Variants in TDP1 observed in about 807,000 individuals in gnomAD.
TDP1 encodes tyrosyl-DNA phosphodiesterase 1, also known as tyr-DNA phosphodiesterase 1.
TDP1 carries 64 observed loss-of-function variants against 81.5 expected under a neutral mutation model. The observed-to-expected ratio is 0.79, with a 90% confidence interval of 0.64 to 0.97. The LOEUF is 0.97. Among genes scored for constraint, TDP1 ranks in the 50% least tolerant of loss-of-function variants. The pLI, the probability that TDP1 is intolerant of heterozygous loss-of-function variation, is 0.00. For missense variants in TDP1, 723 were observed against 743.8 expected (o/e 0.97, Z 0.33); for synonymous variants, 256 against 264.3 (o/e 0.97, Z 0.30).
intron 7 of TDP1, among the ~76,000 whole-genome samples, chr14:89,979,921 C>T (rs1416192056): frequency 6.6e-6 from 1 of 152,110 alleles, no homozygotes; most frequent in African/African-American, 2.4e-5. Context: ...AAGACTTACC[C>T]CAAGCCCAGA....
intron 14 of TDP1, among the ~76,000 whole-genome samples, chr14:89,994,199 A>C (rs933297193): frequency 6.6e-6 from 1 of 152,260 alleles, no homozygotes; most frequent in Non-Finnish European, 1.5e-5. Context: ...ATCACAGAGT[A>C]GAATTATTTC....
chr14:90,031,734 T>C (rs1287803449), intron 15 of TDP1, among the ~76,000 whole-genome samples: 1 of 152,136 alleles, frequency 6.6e-6, no homozygotes, highest in Non-Finnish European at 1.5e-5. Context: ...CCTGCCAGGC[T>C]CTTTGCCACC....
chr14:89,967,553 A>G, intron 5 of TDP1, 131 bp downstream of exon 5: 2 of 777,792 alleles, frequency 2.6e-6, no homozygotes, highest in East Asian at 2.5e-5. Flanking sequence ...TCACACAGAC[A>G]TTAAGTTATA....
chr14:89,959,776 C>G (rs1892113545), intron 2 of TDP1, among the ~76,000 whole-genome samples: 1 of 152,130 alleles, frequency 6.6e-6, no homozygotes, highest in Non-Finnish European at 1.5e-5. Context: ...CTTTGAAATT[C>G]TCTAAATAAT....
At chr14:90,028,402 A>G (rs928831500) in intron 15 of TDP1, among the ~76,000 whole-genome samples, 2 of 152,244 alleles carry the variant, frequency 1.3e-5, no homozygotes, top group Admixed American at 1.3e-4. Context: ...CCTGTTCCCT[A>G]TGATTGAGCT....
intron 15 of TDP1, among the ~76,000 whole-genome samples, chr14:90,020,992 C>G (rs1455386888): frequency 6.6e-6 from 1 of 151,788 alleles, no homozygotes; most frequent in Non-Finnish European, 1.5e-5. Flanking sequence ...GACGGGGTTT[C>G]ACCATGTTGG....
chr14:90,037,791 G>A (rs1484465306), intron 16 of TDP1, among the ~76,000 whole-genome samples: 1 of 151,700 alleles, frequency 6.6e-6, no homozygotes, highest in African/African-American at 2.4e-5. Context: ...ATCCAAAACT[G>A]TATTCAAATT....
chr14:89,980,970 C>A (rs1038163890), intron 8 of TDP1, among the ~76,000 whole-genome samples: 2 of 152,166 alleles, frequency 1.3e-5, no homozygotes, highest in African/African-American at 4.8e-5. Flanking sequence ...GGGCACAGCA[C>A]ATGCAGAGAT....
At chr14:89,975,958 T>G (rs2140040056) in intron 7 of TDP1, 143 bp downstream of exon 7, 2 of 746,486 alleles carry the variant, frequency 2.7e-6, no homozygotes, top group South Asian at 2.9e-5. Context: ...GGAGCTATTC[T>G]TTTATTTAAT....
At chr14:90,002,746 G>T (rs1350206549) in intron 14 of TDP1, among the ~76,000 whole-genome samples, 2 of 150,798 alleles carry the variant, frequency 1.3e-5, no homozygotes, top group Non-Finnish European at 3.0e-5. Flanking sequence ...GGTGGTGTGC[G>T]CCTGCAGTCC....
intron 15 of TDP1, among the ~76,000 whole-genome samples, chr14:90,027,149 A>C (rs1024747325): frequency 6.6e-6 from 1 of 152,078 alleles, no homozygotes; most frequent in Non-Finnish European, 1.5e-5. Context: ...AATGATCGCC[A>C]TTCTAACTGG....
chr14:89,958,496 C>T (rs528238529), intron 2 of TDP1: 1 of 152,392 alleles, frequency 6.6e-6, no homozygotes, highest in South Asian at 2.1e-4. Flanking sequence ...GCTGGTGTGA[C>T]TGAGTCTGGG....
At chr14:90,020,573 T>A (rs1459883123) in intron 15 of TDP1, among the ~76,000 whole-genome samples, 1 of 8,596 alleles carries the variant, frequency 1.2e-4, no homozygotes, top group African/African-American at 8.9e-4. Context: ...CTCCCTCCCT[T>A]CCTTCCTTCC....
intron 15 of TDP1, chr14:90,032,791 G>A (rs1887430107): frequency 1.3e-5 from 13 of 984,874 alleles, no homozygotes; most frequent in Non-Finnish European, 1.6e-5. Flanking sequence ...CCTGCAAACT[G>A]TACATAATGT....
chr14:90,035,045 A>G (rs1446172450), intron 16 of TDP1, among the ~76,000 whole-genome samples: 1 of 151,180 alleles, frequency 6.6e-6, no homozygotes, highest in Non-Finnish European at 1.5e-5. Context: ...TAACCTTCTC[A>G]GCTTTCATGG....
At chr14:89,971,720 G>T (rs961530189) in intron 6 of TDP1, among the ~76,000 whole-genome samples, 1 of 152,112 alleles carries the variant, frequency 6.6e-6, no homozygotes. Flanking sequence ...GTTGCATGTA[G>T]CTTGTCAGTA....
rs541283859 is a variant in TDP1 at position 89,991,745 on chromosome 14, A to G, written c.1367-172A>G. On this transcript the variant is annotated intron_variant, in intron 12 of 16. Coordinates refer to ENST00000335725, the MANE Select transcript of TDP1 (RefSeq NM_018319.4). The stretch of plus-strand genomic sequence containing the variant: ...AGGAAGGAAACCTCGTTAAGAGAAC[A>G]TATCTAGTGCAACTATAGACATTTT... 9.4e-5 allele frequency: 75 copies of G among 797,514 alleles called. No individual in the cohort carries two copies. The African/African-American group carries it at 1.3e-3, about 13-fold the overall frequency. 49.4% of individuals were successfully genotyped at this position (797,514 alleles called of 1,614,324 possible). A position where few individuals can be genotyped will look rare whatever the true frequency, so the allele number is the denominator to read the frequency against.
intron 15 of TDP1, chr14:90,032,864 C>A (rs1350512638): frequency 1.0e-6 from 1 of 984,470 alleles, no homozygotes; most frequent in Admixed American, 6.2e-5. Context: ...CCTTTGAAAA[C>A]TTTTGCAAAC....
intron 14 of TDP1, among the ~76,000 whole-genome samples, chr14:90,009,106 A>T (rs560552409): frequency 1.3e-5 from 2 of 152,232 alleles, no homozygotes; most frequent in African/African-American, 4.8e-5. Flanking sequence ...TGTCTTGCTC[A>T]TGATGGATTT....
Sources: allele counts gnomAD v4.1 joint callset (sites outside exome capture counted in the v4.1 genomes callset), GRCh38; gene constraint gnomAD v4.1.1; transcripts MANE v1.5; gene names NCBI Gene and HGNC (gene_info 2026-07-23, HGNC 2026-07-21).